ERG: variants seen among roughly 807,000 people sequenced by gnomAD.
ERG encodes the protein transcriptional regulator ERG.
In ERG, 9 loss-of-function variants were observed where a neutral mutation model predicts 55.3. The observed-to-expected ratio is 0.16, with a 90% CI of 0.10 to 0.28. The LOEUF is 0.28. Among genes scored for constraint, ERG ranks in the 10% least tolerant of loss-of-function variants. The pLI, the probability that ERG is intolerant of heterozygous loss-of-function variation, is 1.00. For synonymous variants in ERG, 223 were observed against 237.3 expected (o/e 0.94, Z 0.55); for missense variants, 434 against 631.6 (o/e 0.69, Z 3.35).
At chr21:38,589,160 C>T (rs1435922502), upstream of ERG, among the ~76,000 whole-genome samples, 2 of 152,198 alleles carry the variant, frequency 1.3e-5, no homozygotes, top group African/African-American at 2.4e-5. Flanking sequence ...ATAGGTGGAA[C>T]TGGCTACTGT....
intron 3 of ERG, among the ~76,000 whole-genome samples, chr21:38,421,361 C>T (rs533263880): frequency 5.0e-4 from 76 of 152,314 alleles, no homozygotes; most frequent in African/African-American, 1.7e-3. Context: ...CCCTTTCACA[C>T]CCCACTGCAT....
chr21:38,546,022 C>T (rs1022548948), intron 2 of ERG, among the ~76,000 whole-genome samples: 1 of 152,144 alleles, frequency 6.6e-6, no homozygotes, highest in East Asian at 1.9e-4. Flanking sequence ...GGCTTCCAGG[C>T]TTGAGCCTAG....
At position 38,519,519 on chromosome 21, in the gene ERG, C is replaced by T. The variant is rs1218827401; in HGVS notation, c.-41+56143G>A. Among the ~76,000 whole-genome samples, 3 of 152,194 alleles carry T rather than the reference C, an allele frequency of 2.0e-5. No homozygotes were observed. The East Asian group carries it at 5.8e-4, about 29-fold the overall frequency. ...AGAAAAAAACTCCCCAAGCTCTCTC[C>T]TCCTACTCTCAGGCTTCCTTGTGGT... On this transcript the variant is annotated intron_variant, in intron 2 of 8. Transcript: ENST00000398897.
At chr21:38,609,925 C>T (rs1345269448) in intron 1 of ERG, among the ~76,000 whole-genome samples, 1 of 152,154 alleles carries the variant, frequency 6.6e-6, no homozygotes, top group Non-Finnish European at 1.5e-5. Context: ...AGGCGTTTTT[C>T]GTTTTATTAT....
At chr21:38,458,381 G>A (rs907470976) in intron 1 of ERG, among the ~76,000 whole-genome samples, 2 of 144,672 alleles carry the variant, frequency 1.4e-5, no homozygotes, top group South Asian at 2.2e-4. Context: ...CTGAGGTTGC[G>A]CCACTGCACT....
chr21:38,390,294 G>A (rs1316658723), intron 9 of ERG, among the ~76,000 whole-genome samples: 1 of 152,210 alleles, frequency 6.6e-6, no homozygotes, highest in Non-Finnish European at 1.5e-5. Context: ...TCGAAGATGA[G>A]CCTGAATTTG....
At chr21:38,452,077 AT>A (rs1213384696) in intron 1 of ERG, among the ~76,000 whole-genome samples, 15 of 152,248 alleles carry the variant, frequency 9.9e-5, no homozygotes, top group Non-Finnish European at 2.2e-4. Flanking sequence ...TATAAAAAAA[AT>A]CTTGGATTAA....
chr21:38,507,243 T>C (rs1316684091), intron 2 of ERG, among the ~76,000 whole-genome samples: 1 of 152,146 alleles, frequency 6.6e-6, no homozygotes, highest in African/African-American at 2.4e-5. Flanking sequence ...GCGGGGAGCC[T>C]TCGTGATATT....
At chr21:38,407,785 TA>T (rs1053199145) in intron 3 of ERG, among the ~76,000 whole-genome samples, 3 of 146,274 alleles carry the variant, frequency 2.1e-5, no homozygotes, top group East Asian at 2.0e-4. Flanking sequence ...AAAGAAAAGT[TA>T]AAAAAATGAA....
chr21:38,587,503 C>T (rs532028615), upstream of ERG, among the ~76,000 whole-genome samples: 16 of 152,204 alleles, frequency 1.1e-4, no homozygotes, highest in South Asian at 1.0e-3. Context: ...GGATTACAGG[C>T]GCCCGCCACC....
chr21:38,588,141 G>A (rs982144507), upstream of ERG, among the ~76,000 whole-genome samples: 9 of 152,210 alleles, frequency 5.9e-5, no homozygotes, highest in Non-Finnish European at 1.2e-4. Flanking sequence ...GCGTGAGCTG[G>A]CCTCATCAAA....
chr21:38,452,297 G>T (rs1485953487), intron 1 of ERG, among the ~76,000 whole-genome samples: 1 of 152,104 alleles, frequency 6.6e-6, no homozygotes, highest in Non-Finnish European at 1.5e-5. Flanking sequence ...ATATACATGT[G>T]TGCATGCATG....
intron 1 of ERG, among the ~76,000 whole-genome samples, chr21:38,579,140 C>G (rs1215786610): frequency 1.3e-5 from 2 of 152,176 alleles, no homozygotes; most frequent in African/African-American, 4.8e-5. Flanking sequence ...TCACATGATG[C>G]CCTGCCAGCC....
At position 38,592,907 on chromosome 21, in the gene ERG, T is replaced by C. The variant is rs192731755; in HGVS notation, c.-149-7962A>G. Among the ~76,000 whole-genome samples, 241 of 152,338 alleles carry C rather than the reference T, an allele frequency of 1.6e-3. 1 individual carries two copies. The highest frequency in any genetic ancestry group is 4.5e-3 in the African/African-American group (186 of 41,572). On this transcript the variant is annotated intron_variant, in intron 1 of 10. Transcript: ENST00000398910. ...TTGCTTTGGAGGGTCAACCTTTCTTTCATTCATGACATTCAATCAACCTTT... is the reference window on the plus strand; with the variant it reads ...TTGCTTTGGAGGGTCAACCTTTCTTCCATTCATGACATTCAATCAACCTTT...
intron 1 of ERG, chr21:38,450,845 T>C: frequency 2.2e-6 from 1 of 448,134 alleles, no homozygotes; most frequent in Non-Finnish European, 4.5e-6. Context: ...AATGACATCT[T>C]ACATTTTATG....
chr21:38,383,983 C>T lies in ERG; in HGVS notation c.920-60G>A, dbSNP rs1987571105. The stretch of plus-strand genomic sequence containing the variant: ...GAGCACAGGTTCCAGGGGAAAGAGG[C>T]TCTCTGTGATGACGGAAGGAGGTGC... On this transcript the variant is annotated intron_variant, in intron 9 of 9. Coordinates refer to ENST00000288319, the MANE Select transcript of ERG (RefSeq NM_182918.4). The surrounding 1 kb of genome is among the most constrained non-coding windows in gnomAD (Gnocchi z 5.7). The T allele has an allele frequency of 6.5e-7, 1 of 1,550,140 alleles. No homozygotes were observed. Among genetic ancestry groups the T allele is most frequent in the African/African-American group, 1.4e-5 (1 of 73,574 alleles).
intron 2 of ERG, among the ~76,000 whole-genome samples, chr21:38,568,369 T>C (rs1391824261): frequency 1.3e-5 from 2 of 152,212 alleles, no homozygotes; most frequent in African/African-American, 4.8e-5. Flanking sequence ...CTAAACTCAT[T>C]AGCTAATTTA....
intron 1 of ERG, among the ~76,000 whole-genome samples, chr21:38,578,256 G>A (rs2060007056): frequency 6.6e-6 from 1 of 152,344 alleles, no homozygotes; most frequent in Admixed American, 6.5e-5. Context: ...AGGATTTGGG[G>A]TAGTTTATTA....
rs2059892232 is a variant in ERG at position 38,561,453 on chromosome 21, T to C, written c.-41+14209A>G. Among the ~76,000 whole-genome samples the C allele has an allele frequency of 2.0e-5, 3 of 150,186 alleles. No homozygotes were observed. In the South Asian group the frequency reaches 6.3e-4, roughly 32 times the overall value. On this transcript the variant is annotated intron_variant, in intron 2 of 8. Transcript: ENST00000398897. ...AATGAAATGGGTAAATTCTACACAA[T>C]CCTTTTTTTTTTTTTTTCAAACAAT...
Sources: gnomAD v4.1 joint callset for allele counts (sites outside exome capture counted in the v4.1 genomes callset) on GRCh38, gnomAD v4.1.1 for gene constraint, Gnocchi (gnomAD v3.1) non-coding constraint, MANE v1.5 for transcripts, NCBI Gene and HGNC (gene_info 2026-07-23, HGNC 2026-07-21) for gene names.